Variants in MTUS2 observed in about 807,000 individuals in gnomAD.
The protein encoded by MTUS2 is microtubule-associated tumor suppressor candidate 2.
In MTUS2, 40 loss-of-function variants were observed where a neutral mutation model predicts 114.1. The ratio of observed to expected loss-of-function variants is 0.35; its 90% confidence interval spans 0.27 to 0.46. The LOEUF (loss-of-function observed/expected upper bound fraction) is 0.46, where lower values mean the gene tolerates loss of function less well. Ranked by LOEUF, MTUS2 falls within the 20% of genes least tolerant of loss-of-function variation. The pLI is 1.00. For missense variants in MTUS2, 1,679 were observed against 1,705.4 expected (o/e 0.98, Z 0.27); for synonymous variants, 688 against 672.0 (o/e 1.02, Z -0.37).
At chr13:29,165,744 T>A (rs769139240) in intron 5 of MTUS2, among the ~76,000 whole-genome samples, 1 of 152,360 alleles carries the variant, frequency 6.6e-6, no homozygotes, top group Non-Finnish European at 1.5e-5. Flanking sequence ...ACATGTCCAC[T>A]GTGTTCTGAG....
chr13:29,195,260 A>AAATTC (rs758961566), intron 5 of MTUS2, among the ~76,000 whole-genome samples: 1 of 150,920 alleles, frequency 6.6e-6, no homozygotes, highest in Non-Finnish European at 1.5e-5. Context: ...AAAATAAAAT[A>AAATTC]AAATAAAAGT....
intron 5 of MTUS2, among the ~76,000 whole-genome samples, chr13:29,185,003 T>C (rs751218689): frequency 6.6e-6 from 1 of 151,964 alleles, no homozygotes; most frequent in Non-Finnish European, 1.5e-5. Context: ...TTCAAGTAAC[T>C]AAAAGAAACC....
chr13:29,411,739 ACTTTTGTGTCTTTTCAGAC>A (rs1875253912), intron 8 of MTUS2, among the ~76,000 whole-genome samples: 1 of 152,210 alleles, frequency 6.6e-6, no homozygotes, highest in African/African-American at 2.4e-5. Flanking sequence ...GTCTAAGTCT[ACTTTTGTGTCTTTTCAGAC>A]TCATTTAAAG....
At chr13:29,055,546 GCGTCT>G (rs1888093847) in intron 4 of MTUS2, among the ~76,000 whole-genome samples, 1 of 151,986 alleles carries the variant, frequency 6.6e-6, no homozygotes, top group Admixed American at 6.6e-5. Context: ...GTAGGCCCTA[GCGTCT>G]GTTCTCTTCT....
chr13:29,428,846 G>A, intron 8 of MTUS2: 5 of 1,614,012 alleles, frequency 3.1e-6, no homozygotes, highest in Non-Finnish European at 3.4e-6. Flanking sequence ...TGCCGGGATG[G>A]GCCATTGCTG....
intron 5 of MTUS2, among the ~76,000 whole-genome samples, chr13:29,227,626 A>T (rs556900991): frequency 1.3e-5 from 2 of 152,326 alleles, no homozygotes; most frequent in South Asian, 4.1e-4. Flanking sequence ...CCTTTTGTGG[A>T]AAACAAGGGA....
chr13:28,965,085 TAACC>T (rs1883517414), intron 2 of MTUS2, among the ~76,000 whole-genome samples: 1 of 152,204 alleles, frequency 6.6e-6, no homozygotes, highest in South Asian at 2.1e-4. Flanking sequence ...TCTCTTGTTT[TAACC>T]CGTGTTGTCA....
intron 2 of MTUS2, among the ~76,000 whole-genome samples, chr13:28,982,949 A>G (rs1884424485): frequency 6.6e-6 from 1 of 152,196 alleles, no homozygotes; most frequent in Non-Finnish European, 1.5e-5. Flanking sequence ...CTGGAGATGG[A>G]TGGTGGTGAT....
At chr13:29,303,262 G>A (rs1180939466) in intron 6 of MTUS2, among the ~76,000 whole-genome samples, 2 of 152,214 alleles carry the variant, frequency 1.3e-5, no homozygotes, top group Non-Finnish European at 2.9e-5. Context: ...AATAACTGCA[G>A]CACCTCTGCA....
intron 2 of MTUS2, among the ~76,000 whole-genome samples, chr13:28,928,541 AC>A (rs1279413829): frequency 2.0e-5 from 3 of 152,190 alleles, no homozygotes; most frequent in Non-Finnish European, 4.4e-5. Context: ...GCAAATCGAA[AC>A]CCCAATGAGG....
At chr13:29,251,292 GATA>G (rs10526021) in intron 5 of MTUS2, among the ~76,000 whole-genome samples, 30 of 146,484 alleles carry the variant, frequency 2.0e-4, no homozygotes, top group Non-Finnish European at 2.8e-4. Flanking sequence ...ATGGGATGAT[GATA>G]ATAATAATAA....
At chr13:29,084,937 A>G (rs1889623055) in intron 4 of MTUS2, among the ~76,000 whole-genome samples, 1 of 152,190 alleles carries the variant, frequency 6.6e-6, no homozygotes, top group Non-Finnish European at 1.5e-5. Flanking sequence ...TGTTAATGTG[A>G]TCCCTAATGT....
chr13:29,105,374 C>A (rs535373033), intron 5 of MTUS2, among the ~76,000 whole-genome samples: 1 of 152,264 alleles, frequency 6.6e-6, no homozygotes, highest in South Asian at 2.1e-4. Flanking sequence ...GAAAATAGAT[C>A]ATATCGCCCA....
At chr13:29,091,677 A>G (rs765160279) in intron 4 of MTUS2, among the ~76,000 whole-genome samples, 1 of 152,196 alleles carries the variant, frequency 6.6e-6, no homozygotes, top group Non-Finnish European at 1.5e-5. Context: ...TCACAACTTC[A>G]TTCTTAGAAA....
chr13:29,486,734 G>A (rs1304349033), intron 10 of MTUS2, among the ~76,000 whole-genome samples: 1 of 152,208 alleles, frequency 6.6e-6, no homozygotes, highest in Non-Finnish European at 1.5e-5. Flanking sequence ...GGAAGGGGAA[G>A]TTTTGTTTTT....
At chr13:28,923,057 T>C (rs546116973) in intron 2 of MTUS2, among the ~76,000 whole-genome samples, 1 of 152,336 alleles carries the variant, frequency 6.6e-6, no homozygotes, top group East Asian at 1.9e-4. Flanking sequence ...ATTGTTAAAA[T>C]TGGGTAAATT....
At chr13:28,911,311 G>T (rs1186952657) in intron 2 of MTUS2, among the ~76,000 whole-genome samples, 1 of 151,386 alleles carries the variant, frequency 6.6e-6, no homozygotes, top group East Asian at 1.9e-4. Flanking sequence ...AAGTAGCTGG[G>T]ACTACAGGCA....
chr13:28,853,633 A>G (rs893299844), intron 2 of MTUS2, among the ~76,000 whole-genome samples: 2 of 152,218 alleles, frequency 1.3e-5, no homozygotes, highest in South Asian at 2.1e-4. Context: ...TACAAATTAC[A>G]TTATCTAGTT....
intron 11 of MTUS2, among the ~76,000 whole-genome samples, chr13:29,491,726 TGTGTGGGGC>T (rs1412561019): frequency 1.5e-4 from 10 of 65,780 alleles, no homozygotes; most frequent in African/African-American, 4.8e-4. Flanking sequence ...GTGGTAGGTG[TGTGTGGGGC>T]GTGTGGGGTG....
Sources: gnomAD v4.1 joint callset for allele counts (sites outside exome capture counted in the v4.1 genomes callset) on GRCh38, gnomAD v4.1.1 for gene constraint, MANE v1.5 for transcripts, NCBI Gene and HGNC (gene_info 2026-07-23, HGNC 2026-07-21) for gene names.